Variants in NFYB observed in about 807,000 individuals in gnomAD.
The protein encoded by NFYB is CAAT box DNA-binding protein subunit B.
Under a neutral mutation model 28.0 loss-of-function variants are expected in NFYB, and 13 were observed. That is an observed-to-expected ratio of 0.46 (90% CI 0.30 to 0.74). NFYB has a LOEUF of 0.74. Among genes scored for constraint, NFYB ranks in the 30% least tolerant of loss-of-function variants. The pLI is 0.07. For missense variants in NFYB, 142 were observed against 247.6 expected (o/e 0.57, Z 2.86); for synonymous variants, 74 against 75.0 (o/e 0.99, Z 0.07).
chr12:104,137,808 G>T (rs1217941845), intron 1 of NFYB: 1 of 147,438 alleles, frequency 6.8e-6, no homozygotes, highest in Non-Finnish European at 1.5e-5. Context: ...CGAGAGCGGG[G>T]CCCCGACGCA....
At chr12:104,136,664 G>C (rs1232954590) in intron 1 of NFYB, among the ~76,000 whole-genome samples, 2 of 152,122 alleles carry the variant, frequency 1.3e-5, no homozygotes, top group Admixed American at 6.5e-5. Context: ...GGAGAGGGGG[G>C]TGTGGGCAGG....
intron 2 of NFYB, among the ~76,000 whole-genome samples, chr12:104,130,138 G>T (rs960138490): frequency 3.3e-5 from 5 of 152,096 alleles, no homozygotes; most frequent in African/African-American, 9.7e-5. Context: ...ATCTGTGAGT[G>T]AAAAAATGTT....
chr12:104,137,572 G>A, intron 1 of NFYB: 1 of 152,248 alleles, frequency 6.6e-6, no homozygotes, highest in South Asian at 1.9e-4. Flanking sequence ...CCCCTGACTC[G>A]CCCGGCCGCC....
intron 5 of NFYB, 64 bp from the exon 6 acceptor site, chr12:104,121,385 T>G: frequency 7.4e-7 from 1 of 1,358,268 alleles, no homozygotes; most frequent in Non-Finnish European, 1.0e-6. Flanking sequence ...ATGCAAATGC[T>G]TACTTATTGC....
chr12:104,128,646 G>A (rs2030812764), intron 2 of NFYB, 129 bp from the exon 3 acceptor site: 1 of 503,374 alleles, frequency 2.0e-6, no homozygotes, highest in African/African-American at 2.0e-5. Context: ...TACTAAAAGA[G>A]AATTTATATT....
At chr12:104,128,822 T>C (rs974830300) in intron 2 of NFYB, among the ~76,000 whole-genome samples, 8 of 152,044 alleles carry the variant, frequency 5.3e-5, no homozygotes, top group African/African-American at 1.2e-4. Flanking sequence ...TGCACCACCA[T>C]GCCTGGCCAA....
At position 104,132,876 on chromosome 12, in the gene NFYB, T is replaced by C. The variant is rs568602414; in HGVS notation, c.6+2572A>G. ...AATGAGGCTGGAAGAGCACAGCATG[T>C]AGGATAATGACAAGGGGACACGGAC... On this transcript the variant is annotated intron_variant, in intron 2 of 7. Transcript: ENST00000240055. Among the ~76,000 whole-genome samples, 7 of 152,260 alleles carry C rather than the reference T, an allele frequency of 4.6e-5. No homozygotes were observed. In the South Asian group the frequency reaches 1.5e-3, roughly 32 times the overall value.
At chr12:104,123,129 T>C in intron 5 of NFYB, 97 bp downstream of exon 5, 2 of 910,760 alleles carry the variant, frequency 2.2e-6, no homozygotes, top group Non-Finnish European at 3.3e-6. Flanking sequence ...TGAGCCGAGA[T>C]CTTGCCACTG....
chr12:104,135,672 A>G (rs2031074526), intron 1 of NFYB, 140 bp from the exon 2 acceptor site: 2 of 383,904 alleles, frequency 5.2e-6, no homozygotes, highest in Non-Finnish European at 9.3e-6. Flanking sequence ...AATGGAGTAC[A>G]TGGTATAAAA....
At chr12:104,133,113 A>G (rs900349019) in intron 2 of NFYB, among the ~76,000 whole-genome samples, 6 of 152,222 alleles carry the variant, frequency 3.9e-5, no homozygotes, top group Admixed American at 1.3e-4. Context: ...TTGTTCCACA[A>G]ACAAATACTG....
chr12:104,130,950 T>C (rs1453136834), intron 2 of NFYB, among the ~76,000 whole-genome samples: 1 of 152,166 alleles, frequency 6.6e-6, no homozygotes, highest in Non-Finnish European at 1.5e-5. Flanking sequence ...TTGGGAAGAA[T>C]AACAGAAATT....
intron 1 of NFYB, among the ~76,000 whole-genome samples, chr12:104,136,190 G>A (rs147270583): frequency 6.6e-6 from 1 of 152,294 alleles, no homozygotes; most frequent in East Asian, 1.9e-4. Context: ...CAGTCTCACT[G>A]TAAGGCATAA....
At position 104,119,436 on chromosome 12, in the gene NFYB, ATC is replaced by A. The variant is rs2030381626; in HGVS notation, c.*299_*300del. ...TATGAAAATAAGAAACTGTCTACAA[ATC>A]TCTGACAGTAATAAATTGCAATATA... On this transcript the variant is annotated 3_prime_UTR_variant, in exon 8 of 8. Transcript: ENST00000240055. The A allele has an allele frequency of 4.6e-6, 1 of 215,386 alleles. No individual in the cohort carries two copies. 13.3% of individuals were successfully genotyped at this position (215,386 alleles called of 1,614,324 possible).
At position 104,130,454 on chromosome 12, in the gene NFYB, T is replaced by C. The variant is rs142535085; in HGVS notation, c.7-1937A>G. Among the ~76,000 whole-genome samples the C allele has an allele frequency of 7.4e-3, 1,124 of 152,286 alleles. 21 individuals are homozygous for C. Among genetic ancestry groups the C allele is most frequent in the South Asian group, 0.074 (355 of 4,824 alleles). On this transcript the variant is annotated intron_variant, in intron 2 of 7. Coordinates refer to ENST00000240055, the MANE Select transcript of NFYB (RefSeq NM_006166.4). Reference sequence around the variant, plus strand: ...AGACACATTTCTATAATTTATATAGTTGTTGTAAGGGGGTAGAAAATAGAA... The same window carrying C: ...AGACACATTTCTATAATTTATATAGCTGTTGTAAGGGGGTAGAAAATAGAA...
chr12:104,124,166 C>G (rs1593628130), intron 4 of NFYB, among the ~76,000 whole-genome samples: 1 of 152,166 alleles, frequency 6.6e-6, no homozygotes, highest in Non-Finnish European at 1.5e-5. Context: ...AAAAGCAAAA[C>G]AGGAACTAAA....
At chr12:104,126,288 C>T in intron 3 of NFYB, 44 bp from the exon 4 acceptor site, 1 of 1,402,892 alleles carries the variant, frequency 7.1e-7, no homozygotes, top group Non-Finnish European at 9.4e-7. Context: ...CTTATTATTT[C>T]TATTTCAAGA....
intron 3 of NFYB, 73 bp downstream of exon 3, chr12:104,128,351 A>C (rs2030797973): frequency 9.6e-7 from 1 of 1,041,528 alleles, no homozygotes; most frequent in Non-Finnish European, 1.4e-6. Flanking sequence ...AGCCTAGAAC[A>C]CCATATTAAT....
chr12:104,125,871 A>C (rs999295113), intron 4 of NFYB, among the ~76,000 whole-genome samples: 1 of 151,734 alleles, frequency 6.6e-6, no homozygotes, highest in Non-Finnish European at 1.5e-5. Flanking sequence ...AAAAAAAAAA[A>C]AACAGTCTAA....
At position 104,123,389 on chromosome 12, in the gene NFYB, C is replaced by T; in HGVS notation, c.266G>A (p.Cys89Tyr). The change falls in exon 5 of 8, where the codon TGT (cysteine) becomes TAT (tyrosine). Residue 89 changes from cysteine (C) to tyrosine (Y), a missense_variant. By Grantham distance (194) the Cys-to-Tyr change is radical (BLOSUM62 -2). Around this residue, in one of 2 missense-constraint regions of NFYB, gnomAD observed 88 missense variants for 189.5 expected, o/e 0.46. Coordinates refer to ENST00000240055, the MANE Select transcript of NFYB (RefSeq NM_006166.4). ...AKDAKECVQECVSEFISFITS... is the reference protein window; with the variant it reads ...AKDAKECVQEYVSEFISFITS... ...TATAAAACTGATGAACTCACTTACACATTCTTGAACACATTCTTTGGCATC... is the reference window on the plus strand; with the variant it reads ...TATAAAACTGATGAACTCACTTACATATTCTTGAACACATTCTTTGGCATC... 6.2e-7 allele frequency: 1 copy of T among 1,614,056 alleles called. No individual in the cohort carries two copies. The highest frequency in any genetic ancestry group is 8.5e-7 in the Non-Finnish European group (1 of 1,180,006).
Sources: allele counts gnomAD v4.1 joint callset (sites outside exome capture counted in the v4.1 genomes callset), GRCh38; gene constraint gnomAD v4.1.1; regional missense constraint gnomAD v4.1.1; transcripts MANE v1.5; gene names NCBI Gene and HGNC (gene_info 2026-07-23, HGNC 2026-07-21).